Variants in FRMD4A observed in about 807,000 individuals in gnomAD.
FRMD4A encodes the protein FERM domain-containing protein 4A.
Under a neutral mutation model 129.1 loss-of-function variants are expected in FRMD4A, and 29 were observed. That is an observed-to-expected ratio of 0.22 (90% CI 0.17 to 0.31). The LOEUF is 0.31. FRMD4A is among the 10% of genes least tolerant of loss of function. The pLI is 1.00. For missense variants in FRMD4A, 1,272 were observed against 1,375.8 expected (o/e 0.92, Z 1.19); for synonymous variants, 634 against 571.6 (o/e 1.11, Z -1.56).
chr10:14,297,136 C>CA (rs1846035402), intron 2 of FRMD4A, among the ~76,000 whole-genome samples: 1 of 128,920 alleles, frequency 7.8e-6, no homozygotes, highest in Non-Finnish European at 1.7e-5. Context: ...TTCTCTTTCT[C>CA]ATTTTTTTTT....
At chr10:13,668,774 A>G (rs1484811666) in intron 17 of FRMD4A, among the ~76,000 whole-genome samples, 1 of 152,182 alleles carries the variant, frequency 6.6e-6, no homozygotes, top group Non-Finnish European at 1.5e-5. Flanking sequence ...CTGCCCAGCA[A>G]CAGGGGGAGT....
chr10:14,305,382 TA>T (rs751557444), intron 2 of FRMD4A, among the ~76,000 whole-genome samples: 10 of 152,230 alleles, frequency 6.6e-5, no homozygotes, highest in Non-Finnish European at 1.0e-4. Context: ...ATGAATAGAT[TA>T]TATATCTAAG....
rs575678248 is a variant in FRMD4A at position 13,971,604 on chromosome 10, A to G, written c.46-112692T>C. On this transcript the variant is annotated intron_variant, in intron 2 of 24. Transcript: ENST00000357447. ...GCTCATGCCCCCTTCTCCACCATTC[A>G]CCACCACTTTCCCATGCTTCAAAGA... 4 of 1,093,104 alleles carry G rather than the reference A, an allele frequency of 3.7e-6. No homozygotes were observed. In the East Asian group the frequency reaches 1.8e-4, roughly 48 times the overall value. The allele number at this position is 1,093,104 out of a possible 1,614,324, so 67.7% of individuals were successfully genotyped here. A position where few individuals can be genotyped will look rare whatever the true frequency, so the allele number is the denominator to read the frequency against.
chr10:13,853,835 A>AC (rs1451709992), intron 3 of FRMD4A, among the ~76,000 whole-genome samples: 31 of 151,196 alleles, frequency 2.1e-4, no homozygotes, highest in African/African-American at 7.0e-4. Context: ...CTCTCAAAAA[A>AC]AAAAAAAAAA....
intron 2 of FRMD4A, among the ~76,000 whole-genome samples, chr10:14,113,915 C>T (rs777458526): frequency 6.6e-6 from 1 of 152,172 alleles, no homozygotes; most frequent in Non-Finnish European, 1.5e-5. Context: ...CATCTCCGAG[C>T]CTCTGCTGCT....
intron 3 of FRMD4A, among the ~76,000 whole-genome samples, chr10:13,835,783 A>G (rs2093863515): frequency 6.6e-6 from 1 of 152,210 alleles, no homozygotes; most frequent in Admixed American, 6.5e-5. Flanking sequence ...ACAATATAAT[A>G]ATAGAAATAA....
intron 2 of FRMD4A, among the ~76,000 whole-genome samples, chr10:14,292,378 C>A (rs1471431608): frequency 6.6e-6 from 1 of 152,178 alleles, no homozygotes; most frequent in African/African-American, 2.4e-5. Flanking sequence ...ATATTGAAGA[C>A]CATCAGGAAA....
rs117846621 is a variant in FRMD4A at position 14,130,619 on chromosome 10, C to T, written c.45+199439G>A. ...TGTTTGGTGTGTAAAAAGCAGTCCCCGGTGATATTGGTAAGCGCAGACTGA... is the reference window on the plus strand; with the variant it reads ...TGTTTGGTGTGTAAAAAGCAGTCCCTGGTGATATTGGTAAGCGCAGACTGA... On this transcript the variant is annotated intron_variant, in intron 2 of 24. Transcript: ENST00000357447. 6.0e-4 allele frequency among the ~76,000 whole-genome samples: 91 copies of T among 152,142 alleles called. 2 individuals are homozygous for T. The East Asian group carries it at 0.01, about 17-fold the overall frequency.
rs144244905 is a variant in FRMD4A, at chr10:14,109,330, G to C, written c.45+220728C>G. On this transcript the variant is annotated intron_variant, in intron 2 of 24. Transcript: ENST00000357447. ...GTTCTCTTCCATAGTCAGTTCCTTA[G>C]TAGACCATAATTTCCAGTTTGTTTC... 3.4e-3 allele frequency among the ~76,000 whole-genome samples: 510 copies of C among 152,202 alleles called. 5 individuals carry two copies. The highest frequency in any genetic ancestry group is 0.01 in the African/African-American group (424 of 41,524).
At chr10:13,919,595 T>C (rs1405628862) in intron 2 of FRMD4A, among the ~76,000 whole-genome samples, 7 of 152,178 alleles carry the variant, frequency 4.6e-5, no homozygotes, top group Non-Finnish European at 1.0e-4. Flanking sequence ...AATTAAAATG[T>C]AGCAATTAAG....
At chr10:13,916,554 T>A (rs1315993819) in intron 2 of FRMD4A, among the ~76,000 whole-genome samples, 1 of 152,170 alleles carries the variant, frequency 6.6e-6, no homozygotes, top group Non-Finnish European at 1.5e-5. Flanking sequence ...TCAGAGCAGG[T>A]GTTATACCCA....
At chr10:13,652,232 T>G (rs717335) in intron 23 of FRMD4A, 3 of 526,250 alleles carry the variant, frequency 5.7e-6, no homozygotes, top group South Asian at 4.8e-5. Flanking sequence ...GCAAACAGTT[T>G]ATGCCAAGAA....
chr10:14,155,757 G>C (rs1407237272), intron 2 of FRMD4A, among the ~76,000 whole-genome samples: 1 of 152,062 alleles, frequency 6.6e-6, no homozygotes, highest in Non-Finnish European at 1.5e-5. Context: ...AGTGGTTGGA[G>C]GTTTGGAGGA....
At chr10:13,862,249 TACTC>T (rs1309443092) in intron 2 of FRMD4A, among the ~76,000 whole-genome samples, 15 of 152,342 alleles carry the variant, frequency 9.8e-5, no homozygotes, top group African/African-American at 3.1e-4. Context: ...GCTCTTGAGT[TACTC>T]AATCACAGTC....
chr10:13,933,331 C>G (rs1203038302), intron 2 of FRMD4A, among the ~76,000 whole-genome samples: 1 of 152,146 alleles, frequency 6.6e-6, no homozygotes, highest in East Asian at 1.9e-4. Flanking sequence ...CACCAAGTAA[C>G]CAATGGAATC....
intron 2 of FRMD4A, among the ~76,000 whole-genome samples, chr10:13,936,848 T>A (rs1230458898): frequency 6.6e-6 from 1 of 152,222 alleles, no homozygotes; most frequent in Non-Finnish European, 1.5e-5. Flanking sequence ...ATTGATTTTT[T>A]AAAAAACTCC....
At chr10:14,038,097 T>C (rs912560660) in intron 2 of FRMD4A, among the ~76,000 whole-genome samples, 2 of 152,024 alleles carry the variant, frequency 1.3e-5, no homozygotes, top group African/African-American at 4.8e-5. Context: ...CCGAGGCGGG[T>C]GGATCACGAA....
At position 13,660,453 on chromosome 10, in the gene FRMD4A, G is replaced by A. The variant is rs781225339; in HGVS notation, c.1761C>T (p.Ser587=). Residue 587 remains serine, a synonymous_variant, in exon 20 of 25, where the codon TCC becomes TCT. Transcript: ENST00000357447. ...AGTGCATCTGTCGGAGTCCCTCCAG[G>A]GACTGGGGAGGAGGAGGCCTGTTGT... ...PSHNRPPPPQ[S]LEGLRQMHYH... is the part of the protein sequence containing the mutation. The A allele has an allele frequency of 1.2e-6, 2 of 1,613,982 alleles. No individual in the cohort carries two copies. Among genetic ancestry groups the A allele is most frequent in the South Asian group, 1.1e-5 (1 of 91,078 alleles).
At chr10:14,143,138 A>T (rs1338188363) in intron 2 of FRMD4A, among the ~76,000 whole-genome samples, 1 of 152,246 alleles carries the variant, frequency 6.6e-6, no homozygotes, top group Non-Finnish European at 1.5e-5. Flanking sequence ...TCCGGGCATG[A>T]GCCAAAAGAA....
Sources: allele counts gnomAD v4.1 joint callset (sites outside exome capture counted in the v4.1 genomes callset), GRCh38; gene constraint gnomAD v4.1.1; transcripts MANE v1.5; gene names NCBI Gene and HGNC (gene_info 2026-07-23, HGNC 2026-07-21).